The following ASCC3 variants were observed in gnomAD, a reference collection of about 807,000 sequenced individuals.
ASCC3 encodes activating signal cointegrator 1 complex subunit 3.
In ASCC3, 158 loss-of-function variants were observed where a neutral mutation model predicts 256.3. The ratio of observed to expected loss-of-function variants is 0.62; its 90% CI spans 0.54 to 0.70. The LOEUF (loss-of-function observed/expected upper bound fraction) is 0.70, where lower values mean the gene tolerates loss of function less well. Ranked by LOEUF, ASCC3 falls within the 30% of genes least tolerant of loss-of-function variation. The probability of loss-of-function intolerance (pLI) is 0.00; values close to 1 mark genes in which losing one functional copy is unlikely to be tolerated. For synonymous variants in ASCC3, 948 were observed against 883.4 expected, an observed-to-expected ratio of 1.07 and a Z score of -1.30; for missense variants, 2,259 against 2,626.0, an observed-to-expected ratio of 0.86 and a Z score of 3.05.
intron 16 of ASCC3, among the ~76,000 whole-genome samples, chr6:100,660,190 G>C (rs1429713446): frequency 6.6e-6 from 1 of 151,526 alleles, no homozygotes; most frequent in Non-Finnish European, 1.5e-5. Context: ...AAGCTATAAT[G>C]AAAAGTCTAG....
chr6:100,689,679 G>T (rs1487173610), intron 13 of ASCC3, among the ~76,000 whole-genome samples: 2 of 152,128 alleles, frequency 1.3e-5, no homozygotes, highest in Non-Finnish European at 2.9e-5. Flanking sequence ...TAGCTTGTAG[G>T]CTGAGTTAAT....
At chr6:100,779,755 A>G (rs1782360391) in intron 8 of ASCC3, among the ~76,000 whole-genome samples, 1 of 152,218 alleles carries the variant, frequency 6.6e-6, no homozygotes. Flanking sequence ...CTATGTTAAC[A>G]TACTAGGGCA....
chr6:100,706,948 TA>T (rs142862071), intron 13 of ASCC3, among the ~76,000 whole-genome samples: 5,720 of 152,210 alleles, frequency 0.038, 145 homozygotes, highest in Non-Finnish European at 0.047. Flanking sequence ...GCTTAGTACT[TA>T]AAATCTGAAG....
At chr6:100,787,776 T>C (rs1043322776) in intron 8 of ASCC3, among the ~76,000 whole-genome samples, 1 of 152,066 alleles carries the variant, frequency 6.6e-6, no homozygotes, top group Non-Finnish European at 1.5e-5. Flanking sequence ...GACAGCTATA[T>C]GCAAAAACAA....
At chr6:100,820,945 G>T (rs905732875) in intron 4 of ASCC3, among the ~76,000 whole-genome samples, 7 of 152,150 alleles carry the variant, frequency 4.6e-5, no homozygotes, top group Non-Finnish European at 8.8e-5. Flanking sequence ...CACTAGAAAG[G>T]CTATAAAAAT....
intron 12 of ASCC3, among the ~76,000 whole-genome samples, chr6:100,715,966 AG>A (rs1345597014): frequency 1.3e-5 from 2 of 151,836 alleles, no homozygotes; most frequent in Non-Finnish European, 2.9e-5. Context: ...CTACGGATCA[AG>A]TGTCAAATGG....
At chr6:100,708,104 C>T (rs1778689728) in intron 13 of ASCC3, among the ~76,000 whole-genome samples, 1 of 152,118 alleles carries the variant, frequency 6.6e-6, no homozygotes, top group Non-Finnish European at 1.5e-5. Context: ...AAAATGACCA[C>T]AGTACTTGGT....
intron 14 of ASCC3, among the ~76,000 whole-genome samples, chr6:100,668,492 T>G (rs575507442): frequency 1.3e-5 from 2 of 152,092 alleles, no homozygotes; most frequent in South Asian, 4.2e-4. Context: ...ACAGCTGGGC[T>G]TTCAAATTTT....
At chr6:100,787,261 A>G (rs1354443705) in intron 8 of ASCC3, among the ~76,000 whole-genome samples, 3 of 152,144 alleles carry the variant, frequency 2.0e-5, no homozygotes, top group African/African-American at 7.2e-5. Flanking sequence ...TTAATGAACA[A>G]TTAGAGGTTG....
chr6:100,551,563 T>C (rs1408365094), intron 36 of ASCC3, among the ~76,000 whole-genome samples: 2 of 151,898 alleles, frequency 1.3e-5, no homozygotes, highest in East Asian at 1.9e-4. Flanking sequence ...CAAATATAAG[T>C]TATATCTACA....
chr6:100,829,584 C>T (rs982863262), intron 4 of ASCC3, among the ~76,000 whole-genome samples: 2 of 152,122 alleles, frequency 1.3e-5, no homozygotes, highest in Non-Finnish European at 2.9e-5. Context: ...CTCCACACCT[C>T]CCCGCAAGCT....
chr6:100,792,492 T>C (rs1769400106), intron 8 of ASCC3, among the ~76,000 whole-genome samples: 1 of 151,932 alleles, frequency 6.6e-6, no homozygotes, highest in African/African-American at 2.4e-5. Flanking sequence ...ATCCTTTGTG[T>C]GGCATACACC....
In ASCC3 at chr6:100,650,628, A is replaced by G. The variant is rs1052507089; in HGVS notation, c.3162T>C (p.Tyr1054=). The G allele has an allele frequency of 6.8e-6, 11 of 1,612,726 alleles. No individual in the cohort carries two copies. The highest frequency in any genetic ancestry group is 1.7e-5 in the Admixed American group (1 of 59,942). Residue 1054 remains tyrosine (Y), a synonymous_variant, in exon 20 of 42, where the codon TAT becomes TAC. Coordinates refer to ENST00000369162, the MANE Select transcript of ASCC3 (RefSeq NM_006828.4). ...TTTGAAGTAAGATGTTTATTTTCCC[A>G]TAACTATTCTCTACACCTCCAGGAG... The part of the protein sequence containing the change: ...LSTPGGVENS[Y]GKINILLQTY...
intron 8 of ASCC3, among the ~76,000 whole-genome samples, chr6:100,767,676 T>A (rs1349818686): frequency 2.0e-5 from 3 of 152,074 alleles, no homozygotes; most frequent in African/African-American, 7.2e-5. Flanking sequence ...TGGCGTGATC[T>A]CGGCTCACTG....
At chr6:100,739,637 A>T (rs1780334828) in intron 10 of ASCC3, among the ~76,000 whole-genome samples, 1 of 152,028 alleles carries the variant, frequency 6.6e-6, no homozygotes, top group South Asian at 2.1e-4. Flanking sequence ...CTATTCAGGG[A>T]TTCAATTTCT....
intron 30 of ASCC3, among the ~76,000 whole-genome samples, chr6:100,609,041 C>G (rs953007342): frequency 2.6e-5 from 4 of 150,990 alleles, no homozygotes; most frequent in African/African-American, 9.7e-5. Context: ...GGATTACAGG[C>G]GTGAGCCACC....
chr6:100,617,710 C>G (rs1773740079), intron 30 of ASCC3, among the ~76,000 whole-genome samples: 1 of 152,154 alleles, frequency 6.6e-6, no homozygotes, highest in Non-Finnish European at 1.5e-5. Context: ...TTTGATATAG[C>G]CAAGCACTCC....
intron 4 of ASCC3, among the ~76,000 whole-genome samples, chr6:100,822,346 G>C (rs1008184679): frequency 6.6e-6 from 1 of 152,036 alleles, no homozygotes; most frequent in East Asian, 1.9e-4. Flanking sequence ...AGACCAACCT[G>C]GGCAACAAAG....
intron 24 of ASCC3, among the ~76,000 whole-genome samples, chr6:100,639,679 TA>T: frequency 6.6e-6 from 1 of 152,188 alleles, no homozygotes; most frequent in East Asian, 1.9e-4. Flanking sequence ...ATTTTCTTCT[TA>T]AAAAATGTCT....
Sources: gnomAD v4.1 joint callset for allele counts (sites outside exome capture counted in the v4.1 genomes callset) on GRCh38, gnomAD v4.1.1 for gene constraint, MANE v1.5 for transcripts, NCBI Gene and HGNC (gene_info 2026-07-23, HGNC 2026-07-21) for gene names.